LRP2: variants seen among roughly 807,000 people sequenced by gnomAD.
The protein encoded by LRP2 is LDL receptor related protein 2, also known as low-density lipoprotein receptor-related protein 2.
LRP2 carries 172 observed loss-of-function variants against 531.0 expected under a neutral mutation model. The ratio of observed to expected loss-of-function variants is 0.32; its 90% CI spans 0.29 to 0.37. The LOEUF (loss-of-function observed/expected upper bound fraction) is 0.37. Among genes scored for constraint, LRP2 ranks in the 10% least tolerant of loss-of-function variants. The pLI, the probability that LRP2 is intolerant of heterozygous loss-of-function variation, is 1.00. For missense variants in LRP2, 5,167 were observed against 5,868.3 expected (o/e 0.88, Z 3.90); for synonymous variants, 1,992 against 2,027.6 (o/e 0.98, Z 0.47).
At chr2:169,278,425 G>A (rs2673179) in intron 12 of LRP2, among the ~76,000 whole-genome samples, 123,013 of 151,680 alleles carry the variant, frequency 0.81, 50,489 homozygotes, top group East Asian at 0.91. Flanking sequence ...TCAAGTCTGC[G>A]GCACGCTGTG....
In LRP2 at chr2:169,209,798, C is replaced by T. The variant is rs555032954; in HGVS notation, c.6281-157G>A. ...TTTTTCCCAGTTGCAGTGAGCAGAC[C>T]CACATCTTGGTTTCTACTCTTTCCC... On this transcript the variant is annotated intron_variant, in intron 37 of 78. Transcript: ENST00000649046. Among the ~76,000 whole-genome samples the T allele has an allele frequency of 3.5e-4, 54 of 152,266 alleles. No homozygotes were observed. The South Asian group carries it at 6.6e-3, about 19-fold the overall frequency.
rs370823033 is a variant in LRP2, at chr2:169,294,717, TAAAAAAAAAAAAAAA to T, written c.428-22_428-8del. On this transcript the variant is annotated splice_polypyrimidine_tract_variant and splice_region_variant and intron_variant, in intron 4 of 78. Transcript: ENST00000649046. ...TGCTCACATGTTGGGTACTCTATTG[TAAAAAAAAAAAAAAA>T]AAAAAAAAGGAAAAGGAAACAGTAA... is the stretch of plus-strand genomic sequence containing the variant. 8.1e-6 allele frequency: 6 copies of T among 742,560 alleles called. No homozygotes were observed. Among genetic ancestry groups the T allele is most frequent in the Non-Finnish European group, 1.0e-5 (5 of 480,758 alleles). 46.0% of individuals were successfully genotyped at this position (742,560 alleles called of 1,614,324 possible).
rs1558984303 is a variant in LRP2 at position 169,157,383 on chromosome 2, T to A, written c.12007A>T (p.Thr4003Ser). 5 of 1,613,050 alleles carry A rather than the reference T, an allele frequency of 3.1e-6. No individual in the cohort carries two copies. The highest frequency in any genetic ancestry group is 1.3e-5 in the African/African-American group (1 of 74,838). ...AAATATACTCTACCTAGACAGGAGG[T>A]TCTGTCAAAAACATTGGTTTCGAAC... is the stretch of plus-strand genomic sequence containing the variant. ...AGFETNVFDR[T>S]SCLDINECEQ... The change falls in exon 64 of 79, where the codon ACC (threonine) becomes TCC (serine). Residue 4003 changes from threonine (T) to serine (S), a missense_variant. Transcript: ENST00000649046.
rs978217678 is a variant in LRP2 at position 169,137,457 on chromosome 2, T to C, written c.13555A>G (p.Ile4519Val). 1.2e-6 allele frequency: 2 copies of C among 1,613,868 alleles called. No homozygotes were observed. The highest frequency in any genetic ancestry group is 1.7e-6 in the Non-Finnish European group (2 of 1,179,834). ...DFVMEMGKQP[I>V]IFENPMYSAR... is the part of the protein sequence containing the mutation. ...GAGTACATTGGGTTTTCAAATATTATGGGCTGCTTCCCCATTTCCATGACA... is the reference window on the plus strand; with the variant it reads ...GAGTACATTGGGTTTTCAAATATTACGGGCTGCTTCCCCATTTCCATGACA... The change falls in exon 76 of 79, where the codon ATA becomes GTA. Residue 4519 changes from isoleucine to valine, a missense_variant. Coordinates refer to ENST00000649046, the MANE Select transcript of LRP2 (RefSeq NM_004525.3).
intron 52 of LRP2, among the ~76,000 whole-genome samples, chr2:169,179,459 G>A (rs937090390): frequency 6.6e-6 from 1 of 152,082 alleles, no homozygotes; most frequent in African/African-American, 2.4e-5. Context: ...AGTGGCTCAC[G>A]CCTGTAATCC....
intron 13 of LRP2, among the ~76,000 whole-genome samples, chr2:169,277,193 C>CAAAA (rs5836227): frequency 5.7e-5 from 5 of 88,152 alleles, no homozygotes; most frequent in Non-Finnish European, 1.1e-4. Context: ...GACTCCATCT[C>CAAAA]AAAAAAAAAA....
chr2:169,284,429 T>A (rs1020664629), intron 9 of LRP2, among the ~76,000 whole-genome samples: 1 of 151,680 alleles, frequency 6.6e-6, no homozygotes, highest in African/African-American at 2.4e-5. Flanking sequence ...CACACCTGGC[T>A]AATATTTTTG....
At chr2:169,274,888 G>T (rs1389731616) in intron 14 of LRP2, 148 bp downstream of exon 14, 26 of 768,014 alleles carry the variant, frequency 3.4e-5, no homozygotes, top group Admixed American at 1.7e-4. Context: ...ACCAGTTTCA[G>T]AGAGTTTAAC....
intron 17 of LRP2, among the ~76,000 whole-genome samples, chr2:169,258,325 C>T (rs1416855496): frequency 6.6e-6 from 1 of 152,112 alleles, no homozygotes; most frequent in Non-Finnish European, 1.5e-5. Context: ...ACCTCCTTCA[C>T]AAACTAGCTT....
rs1317105893 is a variant in LRP2, at chr2:169,332,614, T to C, written c.80-11730A>G. On this transcript the variant is annotated intron_variant, in intron 1 of 78. Coordinates refer to ENST00000649046, the MANE Select transcript of LRP2 (RefSeq NM_004525.3). ...GGCCCAAATTCAGATTGAAGCAGTA[T>C]GTAATTGCTAAGTGGGTTTATAAGT... Among the ~76,000 whole-genome samples, 6 of 152,308 alleles carry C rather than the reference T, an allele frequency of 3.9e-5. No individual in the cohort carries two copies. The East Asian group carries it at 7.7e-4, about 20-fold the overall frequency.
At chr2:169,211,603 T>A (rs183599096) in intron 37 of LRP2, among the ~76,000 whole-genome samples, 6 of 152,272 alleles carry the variant, frequency 3.9e-5, no homozygotes, top group African/African-American at 1.4e-4. Context: ...CTGTAGTACT[T>A]CTTGCAAACC....
rs1361454479 is a variant in LRP2 at position 169,185,850 on chromosome 2, C to T, written c.9498G>A (p.Lys3166=). The change falls in exon 50 of 79, where the codon AAG becomes AAA. Residue 3166 remains lysine (K), a synonymous_variant. Coordinates refer to ENST00000649046, the MANE Select transcript of LRP2 (RefSeq NM_004525.3). ...TGTAGGAGCCTATTACATTCTCACACTTCTGGCTACAGACAAAAGGCATCT... is the reference window on the plus strand; with the variant it reads ...TGTAGGAGCCTATTACATTCTCACATTTCTGGCTACAGACAAAAGGCATCT... ...CTEMPFVCSQ[K]CENVIGSYIC... is the part of the protein sequence containing the mutation. The T allele has an allele frequency of 6.2e-7, 1 of 1,614,100 alleles. No homozygotes were observed. The highest frequency in any genetic ancestry group is 1.1e-5 in the South Asian group (1 of 91,068).
At chr2:169,259,716 A>T (rs1030088452) in intron 16 of LRP2, among the ~76,000 whole-genome samples, 9 of 147,164 alleles carry the variant, frequency 6.1e-5, no homozygotes, top group African/African-American at 2.0e-4. Context: ...ACCAGAAAGG[A>T]AATCAGAACT....
chr2:169,279,932 A>G (rs1269814315), intron 11 of LRP2, among the ~76,000 whole-genome samples: 2 of 152,230 alleles, frequency 1.3e-5, no homozygotes, highest in African/African-American at 2.4e-5. Flanking sequence ...AATACCGTCA[A>G]TATTTGTTAC....
At chr2:169,212,239 T>C in intron 36 of LRP2, 32 bp from the exon 37 acceptor site, 1 of 1,613,856 alleles carries the variant, frequency 6.2e-7, no homozygotes, top group South Asian at 1.1e-5. Context: ...TTGTAACTTT[T>C]GATCCTAGCT....
At chr2:169,190,325 T>C (rs1359641855) in intron 48 of LRP2, among the ~76,000 whole-genome samples, 1 of 152,226 alleles carries the variant, frequency 6.6e-6, no homozygotes, top group East Asian at 1.9e-4. Flanking sequence ...CTTTGCATTG[T>C]CAGTTCACAA....
Position 169,181,633 on chromosome 2 carries a change from A to G in LRP2, c.9999-15T>C. The G allele has an allele frequency of 6.2e-7, 1 of 1,613,876 alleles. No homozygotes were observed. The highest frequency in any genetic ancestry group is 1.7e-4 in the Middle Eastern group (1 of 6,012). ...AGTAGAGGTACCTGTCAGGGCAAAC[A>G]CAAAGGGTCAGTCCCTGATGCCAAA... On this transcript the variant is annotated splice_polypyrimidine_tract_variant and intron_variant, in intron 51 of 78. Coordinates refer to ENST00000649046, the MANE Select transcript of LRP2 (RefSeq NM_004525.3).
Position 169,154,396 on chromosome 2 carries a change from T to C in LRP2, c.12295+64A>G. 2.7e-6 allele frequency: 4 copies of C among 1,470,900 alleles called. No homozygotes were observed. In the South Asian group the frequency reaches 4.6e-5, roughly 17 times the overall value. 91.1% of individuals were successfully genotyped at this position (1,470,900 alleles called of 1,614,324 possible). A position where few individuals can be genotyped will look rare whatever the true frequency, so the allele number is the denominator to read the frequency against. ...CATTAAACAATAAATTCCTTAAAAG[T>C]CAACACCTTAAAATTCTATAAAGTC... is the stretch of plus-strand genomic sequence containing the variant. On this transcript the variant is annotated intron_variant, in intron 66 of 78. Transcript: ENST00000649046.
chr2:169,157,587 A>G lies in LRP2; in HGVS notation c.11888-85T>C, dbSNP rs961176539. Reference sequence around the variant, plus strand: ...GTATCAAAAGAAGCACCTACTCGTAACCAACTATAGGACATCTTGAGATAA... The same window carrying G: ...GTATCAAAAGAAGCACCTACTCGTAGCCAACTATAGGACATCTTGAGATAA... On this transcript the variant is annotated intron_variant, in intron 63 of 78. Transcript: ENST00000649046. 4 of 1,485,106 alleles carry G rather than the reference A, an allele frequency of 2.7e-6. No homozygotes were observed. In the East Asian group the frequency reaches 9.1e-5, roughly 34 times the overall value. 92.0% of individuals were successfully genotyped at this position (1,485,106 alleles called of 1,614,324 possible).
Sources: gnomAD v4.1 joint callset for allele counts (sites outside exome capture counted in the v4.1 genomes callset) on GRCh38, gnomAD v4.1.1 for gene constraint, MANE v1.5 for transcripts, NCBI Gene and HGNC (gene_info 2026-07-23, HGNC 2026-07-21) for gene names.